Variants in ELFN1 observed in about 807,000 individuals in gnomAD.
ELFN1 encodes extracellular leucine rich repeat and fibronectin type III domain containing 1.
A neutral mutation model predicts 7.6 loss-of-function variants in ELFN1; 6 were observed. The ratio of observed to expected loss-of-function variants is 0.79; its 90% CI spans 0.43 to 1.56. The LOEUF (loss-of-function observed/expected upper bound fraction) is 1.56, where lower values mean the gene tolerates loss of function less well. Ranked by LOEUF, ELFN1 falls within the 40% of genes most tolerant of loss-of-function variation. ELFN1 has a pLI of 0.01. For missense variants in ELFN1, 1,169 were observed against 1,232.2 expected, an observed-to-expected ratio of 0.95 and a Z score of 0.77; for synonymous variants, 657 against 588.1, an observed-to-expected ratio of 1.12 and a Z score of -1.70.
chr7:1,721,233 C>T (rs897617652), intron 3 of ELFN1, among the ~76,000 whole-genome samples: 12 of 152,228 alleles, frequency 7.9e-5, no homozygotes, highest in African/African-American at 2.7e-4. Flanking sequence ...CACTCACCCT[C>T]CTCCTGGCTG....
chr7:1,710,343 A>C (rs1779623607), intron 3 of ELFN1, among the ~76,000 whole-genome samples: 1 of 152,048 alleles, frequency 6.6e-6, no homozygotes, highest in Non-Finnish European at 1.5e-5. Flanking sequence ...GGTTCCCCAG[A>C]CCTCTCCACA....
At chr7:1,676,096 T>A (rs1276061127) in intron 1 of ELFN1, among the ~76,000 whole-genome samples, 1 of 152,156 alleles carries the variant, frequency 6.6e-6, no homozygotes, top group Non-Finnish European at 1.5e-5. Context: ...GGCAGCTGGT[T>A]CCTAGACCAG....
Position 1,735,468 on chromosome 7 carries a change from GGGGCCTGCTAGAC to G in ELFN1, c.-293-8835_-293-8823del. On this transcript the variant is annotated intron_variant, in intron 3 of 3. Coordinates refer to ENST00000424383, the MANE Select transcript of ELFN1 (RefSeq NM_001128636.4). This position sits in a 1 kb window ranked among gnomAD's most constrained non-coding sequence, Gnocchi z 5.9. ...CTCCTGGAGGGCAAGGCGGAGGTCA[GGGGCCTGCTAGAC>G]CCAACCCTGCGGCCATGTCCCCAGG... 6.6e-6 allele frequency among the ~76,000 whole-genome samples: 1 copy of G among 152,192 alleles called. No individual in the cohort carries two copies. The highest frequency in any genetic ancestry group is 2.1e-4 in the South Asian group (1 of 4,818).
intron 3 of ELFN1, among the ~76,000 whole-genome samples, chr7:1,730,553 A>G (rs567404248): frequency 3.9e-5 from 6 of 152,376 alleles, no homozygotes; most frequent in African/African-American, 1.4e-4. Context: ...CTATTAATAA[A>G]CTACACAGTG....
intron 2 of ELFN1, among the ~76,000 whole-genome samples, chr7:1,704,358 A>C (rs1779487016): frequency 6.6e-6 from 1 of 152,144 alleles, no homozygotes; most frequent in African/African-American, 2.4e-5. Context: ...CCTGATCCGG[A>C]CAAAAGGACC....
At chr7:1,696,679 C>T (rs1394368978) in intron 2 of ELFN1, among the ~76,000 whole-genome samples, 1 of 152,124 alleles carries the variant, frequency 6.6e-6, no homozygotes, top group African/African-American at 2.4e-5. Flanking sequence ...TGAGATTACT[C>T]GTGTGAGCCA....
chr7:1,716,588 A>C (rs751817571), intron 3 of ELFN1, among the ~76,000 whole-genome samples: 1 of 152,206 alleles, frequency 6.6e-6, no homozygotes, highest in Non-Finnish European at 1.5e-5. Flanking sequence ...AAGGATATCC[A>C]CATTCTGCAC....
At chr7:1,685,861 T>A (rs1464006170) in intron 1 of ELFN1, among the ~76,000 whole-genome samples, 1 of 147,934 alleles carries the variant, frequency 6.8e-6, no homozygotes, top group African/African-American at 2.5e-5. Context: ...TTATATTATA[T>A]AATATATAAA....
chr7:1,717,730 A>G (rs1049053490), intron 3 of ELFN1, among the ~76,000 whole-genome samples: 7 of 152,160 alleles, frequency 4.6e-5, no homozygotes, highest in Non-Finnish European at 1.0e-4. Flanking sequence ...GATGGCAGAA[A>G]CAGTGGCGTC....
At chr7:1,734,105 G>C (rs756294481) in intron 3 of ELFN1, among the ~76,000 whole-genome samples, 2 of 152,182 alleles carry the variant, frequency 1.3e-5, no homozygotes, top group Non-Finnish European at 2.9e-5. Context: ...GAGAGATTCA[G>C]GTCAGACTAA....
In ELFN1 at chr7:1,689,772, G is replaced by C. The variant is rs1779122677; in HGVS notation, c.-456+1622G>C. 2.0e-5 allele frequency among the ~76,000 whole-genome samples: 3 copies of C among 152,318 alleles called. No homozygotes were observed. In the South Asian group the frequency reaches 6.2e-4, roughly 32 times the overall value. On this transcript the variant is annotated intron_variant, in intron 2 of 3. Transcript: ENST00000424383. ...GGTGGCGAGTGCTACACTGAGATGAGTGTCTTGCCCAGATTCACACCTTCC... is the reference window on the plus strand; with the variant it reads ...GGTGGCGAGTGCTACACTGAGATGACTGTCTTGCCCAGATTCACACCTTCC...
At chr7:1,713,255 T>A (rs1374951755) in intron 3 of ELFN1, among the ~76,000 whole-genome samples, 2 of 152,164 alleles carry the variant, frequency 1.3e-5, no homozygotes, top group Admixed American at 1.3e-4. Flanking sequence ...AGTGCATAAA[T>A]GTTTGTTGAA....
At position 1,706,764 on chromosome 7, in the gene ELFN1, G is replaced by C. The variant is rs1240776392; in HGVS notation, c.-455-2327G>C. Among the ~76,000 whole-genome samples the C allele has an allele frequency of 5.3e-5, 8 of 152,262 alleles. No homozygotes were observed. The South Asian group carries it at 1.4e-3, about 28-fold the overall frequency. On this transcript the variant is annotated intron_variant, in intron 2 of 3. Coordinates refer to ENST00000424383, the MANE Select transcript of ELFN1 (RefSeq NM_001128636.4). ...CCTCCAGGCCTGGCTGGCTTCTACA[G>C]GGTGGATGAGTGGGCCCCTGCACCC...
At chr7:1,727,112 C>T (rs1409742408) in intron 3 of ELFN1, among the ~76,000 whole-genome samples, 4 of 152,236 alleles carry the variant, frequency 2.6e-5, no homozygotes, top group Admixed American at 6.5e-5. Flanking sequence ...AACCCTGTTC[C>T]GTCCATCTTG....
At position 1,676,319 on chromosome 7, in the gene ELFN1, C is replaced by G. The variant is rs1019198926; in HGVS notation, c.-549+5965C>G. ...AAGGGCCCGGCCTCTGCCCTCTTCACTGAGGGACCACCCCTGCATCTATCT... is the reference window on the plus strand; with the variant it reads ...AAGGGCCCGGCCTCTGCCCTCTTCAGTGAGGGACCACCCCTGCATCTATCT... On this transcript the variant is annotated intron_variant, in intron 1 of 3. Transcript: ENST00000424383. Among the ~76,000 whole-genome samples, 5 of 152,222 alleles carry G rather than the reference C, an allele frequency of 3.3e-5. No homozygotes were observed. The East Asian group carries it at 9.6e-4, about 29-fold the overall frequency.
intron 1 of ELFN1, among the ~76,000 whole-genome samples, chr7:1,677,726 A>T (rs1778898646): frequency 6.6e-6 from 1 of 151,990 alleles, no homozygotes; most frequent in African/African-American, 2.4e-5. Flanking sequence ...CTGATGTGAA[A>T]TTCCTTCCGT....
At position 1,747,123 on chromosome 7, in the gene ELFN1, T is replaced by C. The variant is rs1161363800; in HGVS notation, c.*40T>C. 1 of 1,433,636 alleles carries C rather than the reference T, an allele frequency of 7.0e-7. No individual in the cohort carries two copies. Among genetic ancestry groups the C allele is most frequent in the Admixed American group, 2.8e-5 (1 of 35,860 alleles). 88.8% of individuals were successfully genotyped at this position (1,433,636 alleles called of 1,614,324 possible). ...GCGATGCCCACTGGACCAAAAAGGA[T>C]GCAGGATCCACCCAGAGACTCAGCA... On this transcript the variant is annotated 3_prime_UTR_variant, in exon 4 of 4. Transcript: ENST00000424383.
chr7:1,696,295 AGG>A lies in ELFN1; in HGVS notation c.-456+8147_-456+8148del, dbSNP rs200259610. On this transcript the variant is annotated intron_variant, in intron 2 of 3. Coordinates refer to ENST00000424383, the MANE Select transcript of ELFN1 (RefSeq NM_001128636.4). ...AAGAGATGGAGAGAGAGAGAGAGAG[AGG>A]GAGAGAGAAAGAGGGAGGGAGAGAT... 2.7e-3 allele frequency among the ~76,000 whole-genome samples: 405 copies of A among 150,328 alleles called. 1 individual carries two copies. The highest frequency in any genetic ancestry group is 9.3e-3 in the African/African-American group (378 of 40,786).
chr7:1,694,737 T>C (rs1404640868), intron 2 of ELFN1, among the ~76,000 whole-genome samples: 4 of 152,206 alleles, frequency 2.6e-5, no homozygotes, highest in Non-Finnish European at 5.9e-5. Context: ...ACTGTCACCA[T>C]GCCTGGCCCG....
Sources: gnomAD v4.1 joint callset for allele counts (sites outside exome capture counted in the v4.1 genomes callset) on GRCh38, gnomAD v4.1.1 for gene constraint, Gnocchi (gnomAD v3.1) non-coding constraint, MANE v1.5 for transcripts, NCBI Gene and HGNC (gene_info 2026-07-23, HGNC 2026-07-21) for gene names.